Variants in NIPSNAP3B observed in about 807,000 individuals in gnomAD.
NIPSNAP3B encodes the protein protein NipSnap homolog 3B.
In NIPSNAP3B, 30 loss-of-function variants were observed where a neutral mutation model predicts 31.5. That is an observed-to-expected ratio of 0.95 (90% CI 0.71 to 1.29). The LOEUF (loss-of-function observed/expected upper bound fraction) is 1.29. Ranked by LOEUF, NIPSNAP3B falls within the 50% of genes most tolerant of loss-of-function variation. The pLI is 0.00. For synonymous variants in NIPSNAP3B, 106 were observed against 107.9 expected, an observed-to-expected ratio of 0.98 and a Z score of 0.11; for missense variants, 269 against 300.7, an observed-to-expected ratio of 0.89 and a Z score of 0.78.
rs541039698 is a variant in NIPSNAP3B, at chr9:104,771,031, A to G, written c.580+33A>G. On this transcript the variant is annotated intron_variant, in intron 4 of 5. Transcript: ENST00000374762. The stretch of plus-strand genomic sequence containing the variant: ...TGTCCATTTGTTCTATGAAGTTGCC[A>G]TGTGTATTAGATCAGTTCGTCTCTC... 58 of 1,605,562 alleles carry G rather than the reference A, an allele frequency of 3.6e-5. No homozygotes were observed. The Middle Eastern group carries it at 6.6e-4, about 18-fold the overall frequency.
At chr9:104,769,086 A>C (rs373299317) in intron 3 of NIPSNAP3B, 65 bp downstream of exon 3, 4 of 1,203,544 alleles carry the variant, frequency 3.3e-6, no homozygotes, top group African/African-American at 1.5e-5. Flanking sequence ...AAAGTTATAA[A>C]GAGTAAAGTT....
chr9:104,784,396 T>C, the NIPSNAP3B span: 2 of 1,614,014 alleles, frequency 1.2e-6, no homozygotes, highest in African/African-American at 1.3e-5. Flanking sequence ...GGTTTTTGTG[T>C]AATGAGAGGT....
In NIPSNAP3B at chr9:104,775,710, C is replaced by T. The variant is rs961854441; in HGVS notation, c.*2637C>T. 6.6e-6 allele frequency among the ~76,000 whole-genome samples: 1 copy of T among 152,176 alleles called. No individual in the cohort carries two copies. Among genetic ancestry groups the T allele is most frequent in the African/African-American group, 2.4e-5 (1 of 41,434 alleles). Reference sequence around the variant, plus strand: ...ACCTGAATGTCTATTAGAAATCTCACACCCCTCTTGTCCAAAACTGAGCTC... The same window carrying T: ...ACCTGAATGTCTATTAGAAATCTCATACCCCTCTTGTCCAAAACTGAGCTC... On this transcript the variant is annotated 3_prime_UTR_variant, in exon 6 of 6. Coordinates refer to ENST00000374762, the MANE Select transcript of NIPSNAP3B (RefSeq NM_018376.4).
At chr9:104,764,480 G>A (rs1007629886) in intron 1 of NIPSNAP3B, among the ~76,000 whole-genome samples, 180 bp downstream of exon 1, 5 of 152,238 alleles carry the variant, frequency 3.3e-5, no homozygotes, top group African/African-American at 1.2e-4. Flanking sequence ...ACAGGCCGGG[G>A]TCGTCTCGCT....
At chr9:104,784,914 G>A in the NIPSNAP3B span, among the ~76,000 whole-genome samples, 1 of 152,138 alleles carries the variant, frequency 6.6e-6, no homozygotes, top group African/African-American at 2.4e-5. Flanking sequence ...AAAGTGCTGG[G>A]ATTACAGGCA....
chr9:104,764,248 T>A lies in NIPSNAP3B; in HGVS notation c.8T>A (p.Val3Asp). 6.2e-7 allele frequency: 1 copy of A among 1,601,828 alleles called. No individual in the cohort carries two copies. The highest frequency in any genetic ancestry group is 8.5e-7 in the Non-Finnish European group (1 of 1,175,998). ML[V>D]LRSGLTKALA... ...CAGTGCCGAAGCCGCGCCATGCTCG[T>A]TCTCAGAAGCGGCCTGACCAAGGCG... is the stretch of plus-strand genomic sequence containing the variant. The change falls in exon 1 of 6, where the codon GTT becomes GAT. Residue 3 changes from valine to aspartate, a missense_variant. By Grantham distance (152) the Val-to-Asp change is radical. Transcript: ENST00000374762.
the NIPSNAP3B span, chr9:104,790,881 C>G: frequency 7.4e-7 from 1 of 1,348,864 alleles, no homozygotes; most frequent in Non-Finnish European, 1.1e-6. Context: ...AAATTAAAAA[C>G]AAAGTCTTTG....
rs1462978025 is a variant in NIPSNAP3B at position 104,776,604 on chromosome 9, CTG to C, written c.*3534_*3535del. On this transcript the variant is annotated 3_prime_UTR_variant, in exon 6 of 6. Transcript: ENST00000374762. ...GTCTTAGACTTCCCAGCCACTAGAT[CTG>C]TGAGAAAGAAATGTTTGTTGTTTAA... 1.3e-5 allele frequency among the ~76,000 whole-genome samples: 2 copies of C among 152,138 alleles called. No individual in the cohort carries two copies. Among genetic ancestry groups the C allele is most frequent in the Non-Finnish European group, 1.5e-5 (1 of 68,012 alleles).
downstream of NIPSNAP3B, chr9:104,781,704 T>C (rs572043133): frequency 1.7e-4 from 26 of 152,746 alleles, 1 homozygote; most frequent in South Asian, 1.7e-3. Flanking sequence ...TTTTCTTCTG[T>C]ATTTCTCATA....
chr9:104,766,872 G>A (rs1828099810), intron 2 of NIPSNAP3B, among the ~76,000 whole-genome samples: 2 of 152,086 alleles, frequency 1.3e-5, no homozygotes, highest in Admixed American at 6.6e-5. Flanking sequence ...AATTGTAAAT[G>A]TTCAAGTGGG....
In NIPSNAP3B at chr9:104,775,986, C is replaced by G. The variant is rs544932999; in HGVS notation, c.*2913C>G. ...TGGTGTGCTGCCCTTCCCCTCTGCT[C>G]TCAACCCTATTTTCAACATAGCAGT... On this transcript the variant is annotated 3_prime_UTR_variant, in exon 6 of 6. Transcript: ENST00000374762. 6.6e-6 allele frequency among the ~76,000 whole-genome samples: 1 copy of G among 152,292 alleles called. No individual in the cohort carries two copies. The highest frequency in any genetic ancestry group is 2.4e-5 in the African/African-American group (1 of 41,570).
chr9:104,772,577 T>G (rs1425821986), intron 4 of NIPSNAP3B, among the ~76,000 whole-genome samples: 1 of 152,148 alleles, frequency 6.6e-6, no homozygotes, highest in Non-Finnish European at 1.5e-5. Flanking sequence ...TAAACTCGGG[T>G]CTAGTCTTAA....
At chr9:104,780,692 G>T (rs1828481936), downstream of NIPSNAP3B, among the ~76,000 whole-genome samples, 1 of 152,116 alleles carries the variant, frequency 6.6e-6, no homozygotes, top group South Asian at 2.1e-4. Flanking sequence ...TATACCAAGT[G>T]AACATTTATT....
intron 2 of NIPSNAP3B, 124 bp downstream of exon 2, chr9:104,766,659 C>A: frequency 2.2e-6 from 2 of 919,242 alleles, no homozygotes; most frequent in African/African-American, 1.7e-5. Flanking sequence ...TTTTTAAAAG[C>A]AATACCAAAA....
rs1375227225 is a variant in NIPSNAP3B at position 104,776,567 on chromosome 9, G to A, written c.*3494G>A. 6.6e-6 allele frequency among the ~76,000 whole-genome samples: 1 copy of A among 152,100 alleles called. No individual in the cohort carries two copies. Among genetic ancestry groups the A allele is most frequent in the Non-Finnish European group, 1.5e-5 (1 of 68,032 alleles). On this transcript the variant is annotated 3_prime_UTR_variant, in exon 6 of 6. Coordinates refer to ENST00000374762, the MANE Select transcript of NIPSNAP3B (RefSeq NM_018376.4). ...TAAGCCTTCACCAGAACTTCTTCATGCTGGCACCCTGGTCTTAGACTTCCC... is the reference window on the plus strand; with the variant it reads ...TAAGCCTTCACCAGAACTTCTTCATACTGGCACCCTGGTCTTAGACTTCCC...
rs1175853743 is a variant in NIPSNAP3B at position 104,775,757 on chromosome 9, T to C, written c.*2684T>C. ...GCTCTTGATCTTTAACCAGAAACTT[T>C]ATCTCAGCTATTGGCAACTCCAGGT... On this transcript the variant is annotated 3_prime_UTR_variant, in exon 6 of 6. Coordinates refer to ENST00000374762, the MANE Select transcript of NIPSNAP3B (RefSeq NM_018376.4). Among the ~76,000 whole-genome samples the C allele has an allele frequency of 6.6e-6, 1 of 152,210 alleles. No individual in the cohort carries two copies. Among genetic ancestry groups the C allele is most frequent in the Non-Finnish European group, 1.5e-5 (1 of 68,020 alleles).
In NIPSNAP3B at chr9:104,770,998, G is replaced by A; in HGVS notation, c.580G>A (p.Val194Ile). 1.2e-6 allele frequency: 2 copies of A among 1,613,330 alleles called. No individual in the cohort carries two copies. Among genetic ancestry groups the A allele is most frequent in the Non-Finnish European group, 1.7e-6 (2 of 1,179,452 alleles). ...FHTEYGELNRVHVLWWNESAD... is the reference protein window; with the variant it reads ...FHTEYGELNRIHVLWWNESAD... ...CACAGAATATGGAGAACTCAACAGA[G>A]GTACAGTTGTCCATTTGTTCTATGA... is the stretch of plus-strand genomic sequence containing the variant. The change falls in exon 4 of 6, where the codon GTT becomes ATT. Residue 194 changes from valine to isoleucine, a missense_variant and splice_region_variant. Transcript: ENST00000374762.
downstream of NIPSNAP3B, among the ~76,000 whole-genome samples, chr9:104,780,113 G>T (rs930769241): frequency 6.6e-6 from 1 of 152,132 alleles, no homozygotes; most frequent in Non-Finnish European, 1.5e-5. Context: ...TTTCAATAAA[G>T]TTTTTTCCTC....
At chr9:104,769,470 AAG>A (rs1554691849) in intron 3 of NIPSNAP3B, among the ~76,000 whole-genome samples, 1 of 151,602 alleles carries the variant, frequency 6.6e-6, no homozygotes, top group Non-Finnish European at 1.5e-5. Context: ...AAAAAAAAAA[AAG>A]AGAATTAGAG....
Sources: allele counts gnomAD v4.1 joint callset (sites outside exome capture counted in the v4.1 genomes callset), GRCh38; gene constraint gnomAD v4.1.1; transcripts MANE v1.5; gene names NCBI Gene and HGNC (gene_info 2026-07-23, HGNC 2026-07-21).